Variants in PARVB observed in about 807,000 individuals in gnomAD.
PARVB encodes beta-parvin.
A neutral mutation model predicts 47.0 loss-of-function variants in PARVB; 46 were observed. The observed-to-expected ratio is 0.98, with a 90% CI of 0.77 to 1.25. The LOEUF (loss-of-function observed/expected upper bound fraction) is 1.25, where lower values mean the gene tolerates loss of function less well. Among genes scored for constraint, PARVB ranks in the 50% most tolerant of loss-of-function variants. PARVB has a pLI of 0.00. For synonymous variants in PARVB, 196 were observed against 196.3 expected (o/e 1.00, Z 0.01); for missense variants, 473 against 471.6 (o/e 1.00, Z -0.03).
At chr22:44,108,944 C>T (rs555866072) in intron 3 of PARVB, 5 of 152,326 alleles carry the variant, frequency 3.3e-5, no homozygotes, top group Admixed American at 6.5e-5. Context: ...AAAAAAAACA[C>T]AGAAAACTCC....
rs180938935 is a variant in PARVB, at chr22:44,134,906, C to G, written c.634-1554C>G. ...CAGCTTCATGTCTACAATCCTAGAC[C>G]TGGGCCCAGCACCTGGTGGGTGCCT... On this transcript the variant is annotated intron_variant, in intron 6 of 12. Transcript: ENST00000338758. 2.3e-3 allele frequency among the ~76,000 whole-genome samples: 353 copies of G among 152,346 alleles called. 2 individuals carry two copies. Among genetic ancestry groups the G allele is most frequent in the Non-Finnish European group, 4.0e-3 (269 of 68,022 alleles).
intron 1 of PARVB, among the ~76,000 whole-genome samples, chr22:44,088,866 C>A (rs928737257): frequency 6.6e-6 from 1 of 152,178 alleles, no homozygotes; most frequent in African/African-American, 2.4e-5. Context: ...TGCTCTCCCC[C>A]TTTCCAATGG....
chr22:44,038,917 A>G lies in PARVB; in HGVS notation c.112+14466A>G, dbSNP rs183812717. On this transcript the variant is annotated intron_variant, in intron 1 of 12. Coordinates refer to ENST00000338758, the MANE Select transcript of PARVB (RefSeq NM_013327.5). ...AGAACTTCCGCAACTCAAGAATAAAAACACAGTCAACGCAGTAAAAGAATA... is the reference window on the plus strand; with the variant it reads ...AGAACTTCCGCAACTCAAGAATAAAGACACAGTCAACGCAGTAAAAGAATA... 5.9e-5 allele frequency among the ~76,000 whole-genome samples: 9 copies of G among 152,362 alleles called. No homozygotes were observed. The East Asian group carries it at 1.7e-3, about 29-fold the overall frequency.
chr22:44,015,211 A>G (rs1041457392), intron 2 of PARVB, among the ~76,000 whole-genome samples: 1 of 152,088 alleles, frequency 6.6e-6, no homozygotes, highest in Non-Finnish European at 1.5e-5. Context: ...GATACAGGAG[A>G]TAGAAAGAAA....
intron 1 of PARVB, among the ~76,000 whole-genome samples, chr22:44,090,796 G>T (rs1356941581): frequency 6.6e-6 from 1 of 152,250 alleles, no homozygotes; most frequent in Non-Finnish European, 1.5e-5. Context: ...CCCTGCCCCT[G>T]TTGTGTCCTC....
At chr22:44,003,872 C>G (rs1474231615) in intron 2 of PARVB, among the ~76,000 whole-genome samples, 1 of 152,172 alleles carries the variant, frequency 6.6e-6, no homozygotes, top group Non-Finnish European at 1.5e-5. Context: ...CTGTGTCTGC[C>G]CATCCCTTAC....
chr22:44,131,511 A>T lies in PARVB; in HGVS notation c.401A>T (p.Asn134Ile). The T allele has an allele frequency of 6.2e-7, 1 of 1,614,138 alleles. No individual in the cohort carries two copies. Among genetic ancestry groups the T allele is most frequent in the Non-Finnish European group, 8.5e-7 (1 of 1,180,020 alleles). The change falls in exon 5 of 13, where the codon AAT (asparagine) becomes ATT (isoleucine). Residue 134 changes from asparagine (N) to isoleucine (I), a missense_variant. Transcript: ENST00000338758. The part of the protein sequence containing the change: ...LLEKLAGCKL[N>I]VAEVTQSEIG... ...GAAAAACTGGCAGGGTGCAAGCTGA[A>T]TGTGGCTGAGGTGACACAGTCCGAA...
intron 8 of PARVB, chr22:44,141,255 G>C (rs2092439): frequency 0.57 from 86,729 of 152,166 alleles, 24,895 homozygotes; most frequent in South Asian, 0.68. Flanking sequence ...AGGGACAGAA[G>C]TAATACGATA....
At chr22:44,064,972 C>A (rs1009436702) in intron 1 of PARVB, among the ~76,000 whole-genome samples, 1 of 152,172 alleles carries the variant, frequency 6.6e-6, no homozygotes, top group Non-Finnish European at 1.5e-5. Flanking sequence ...TTGTATGAAA[C>A]CAAGAGGAAA....
intron 1 of PARVB, among the ~76,000 whole-genome samples, chr22:44,030,410 C>T (rs1233031027): frequency 6.6e-6 from 1 of 152,232 alleles, no homozygotes; most frequent in South Asian, 2.1e-4. Flanking sequence ...CAGGCAGGCT[C>T]CCAGTGGCTG....
chr22:44,162,179 A>C (rs1406734021), intron 11 of PARVB, among the ~76,000 whole-genome samples: 1 of 152,154 alleles, frequency 6.6e-6, no homozygotes, highest in Non-Finnish European at 1.5e-5. Flanking sequence ...ACTGTTTTCC[A>C]GTGTTGTTCG....
chr22:44,076,557 A>G (rs1482046469), intron 1 of PARVB, among the ~76,000 whole-genome samples: 1 of 152,204 alleles, frequency 6.6e-6, no homozygotes, highest in East Asian at 1.9e-4. Flanking sequence ...TCAAGACCAC[A>G]TGCAGCTGTG....
intron 2 of PARVB, among the ~76,000 whole-genome samples, chr22:44,013,191 C>A (rs2050541363): frequency 2.0e-5 from 3 of 152,180 alleles, no homozygotes; most frequent in Non-Finnish European, 4.4e-5. Flanking sequence ...AGTCACCGTG[C>A]CTGACCGCTT....
intron 1 of PARVB, among the ~76,000 whole-genome samples, chr22:44,085,477 G>C (rs561321077): frequency 4.3e-4 from 66 of 152,006 alleles, no homozygotes; most frequent in Non-Finnish European, 7.1e-4. Flanking sequence ...GCTAATTTTT[G>C]TATTTTGTGT....
At position 44,125,172 on chromosome 22, in the gene PARVB, T is replaced by C. The variant is rs1288851634; in HGVS notation, c.376+6032T>C. On this transcript the variant is annotated intron_variant, in intron 4 of 12. Coordinates refer to ENST00000338758, the MANE Select transcript of PARVB (RefSeq NM_013327.5). This position sits in a 1 kb window ranked among gnomAD's most constrained non-coding sequence, Gnocchi z 4.1. ...CCTTATTCATCTGGCCCTCAGAAAG[T>C]ATATTTGGAGGGAAACATGTCTGTG... Among the ~76,000 whole-genome samples, 1 of 152,036 alleles carries C rather than the reference T, an allele frequency of 6.6e-6. No homozygotes were observed. Among genetic ancestry groups the C allele is most frequent in the East Asian group, 1.9e-4 (1 of 5,188 alleles).
chr22:44,061,909 A>G (rs943187317), intron 1 of PARVB, among the ~76,000 whole-genome samples: 2 of 152,066 alleles, frequency 1.3e-5, no homozygotes, highest in Non-Finnish European at 2.9e-5. Context: ...GAGCCACCAC[A>G]CCCAGTCAGA....
At position 44,170,566 on chromosome 22, in the gene PARVB, G is replaced by C. The variant is rs2054257356; in HGVS notation, c.*1888G>C. 1.3e-5 allele frequency: 2 copies of C among 152,168 alleles called. No individual in the cohort carries two copies. The highest frequency in any genetic ancestry group is 1.3e-4 in the Admixed American group (2 of 15,286). 9.4% of individuals were successfully genotyped at this position (152,168 alleles called of 1,614,324 possible). ...TATAAAAGGAGTCGCTGCTCACTCA[G>C]TTATGGGTTGTTCACCCCCTCGCTC... On this transcript the variant is annotated 3_prime_UTR_variant, in exon 13 of 13. Coordinates refer to ENST00000338758, the MANE Select transcript of PARVB (RefSeq NM_013327.5).
chr22:44,023,064 C>T (rs1388050742), upstream of PARVB, among the ~76,000 whole-genome samples: 2 of 152,068 alleles, frequency 1.3e-5, no homozygotes, highest in Admixed American at 6.6e-5. Context: ...CCTACTTCTT[C>T]AAGGCTGGGG....
At chr22:44,107,223 A>G (rs2052587791) in intron 3 of PARVB, 1 of 152,218 alleles carries the variant, frequency 6.6e-6, no homozygotes, top group African/African-American at 2.4e-5. Flanking sequence ...CTTCCTGTGT[A>G]TTTTCTCTAA....
Sources: gnomAD v4.1 joint callset for allele counts (sites outside exome capture counted in the v4.1 genomes callset) on GRCh38, gnomAD v4.1.1 for gene constraint, Gnocchi (gnomAD v3.1) non-coding constraint, MANE v1.5 for transcripts, NCBI Gene and HGNC (gene_info 2026-07-23, HGNC 2026-07-21) for gene names.